The following PNKD variants were observed in gnomAD, a reference collection of about 807,000 sequenced individuals.
PNKD encodes probable thioesterase PNKD.
PNKD carries 36 observed loss-of-function variants against 45.3 expected under a neutral mutation model. The ratio of observed to expected loss-of-function variants is 0.80; its 90% CI spans 0.61 to 1.05. The LOEUF (loss-of-function observed/expected upper bound fraction) is 1.05. PNKD is among the 50% of genes least tolerant of loss of function. PNKD has a pLI of 0.00. For synonymous variants in PNKD, 197 were observed against 210.1 expected (o/e 0.94, Z 0.54); for missense variants, 511 against 506.6 (o/e 1.01, Z -0.08).
Position 218,340,588 on chromosome 2 carries a change from C to G in PNKD, c.466-140C>G. ...TGCTTCACATTCCTGGATCTCTCCC[C>G]TCCAGCTCCATCCCTTTCCTCTGCT... On this transcript the variant is annotated intron_variant, in intron 4 of 9. Coordinates refer to ENST00000273077, the MANE Select transcript of PNKD (RefSeq NM_015488.5). The surrounding 1 kb of genome is among the most constrained non-coding windows in gnomAD (Gnocchi z 4.2). The G allele has an allele frequency of 1.4e-6, 1 of 735,706 alleles. No individual in the cohort carries two copies. Among genetic ancestry groups the G allele is most frequent in the South Asian group, 1.4e-5 (1 of 69,580 alleles). 45.6% of individuals were successfully genotyped at this position (735,706 alleles called of 1,614,324 possible).
chr2:218,308,810 C>T (rs570040778), intron 2 of PNKD, among the ~76,000 whole-genome samples: 6 of 151,814 alleles, frequency 4.0e-5, no homozygotes, highest in Admixed American at 3.3e-4. Context: ...GTCTCAAACT[C>T]CTGACCTGAG....
intron 2 of PNKD, chr2:218,323,445 C>A (rs749445685): frequency 1.0e-5 from 16 of 1,544,234 alleles, no homozygotes; most frequent in Non-Finnish European, 9.5e-6. Context: ...AGTGCCCGGG[C>A]TCCGAAGCGT....
chr2:218,293,779 G>GGTTTGTTT (rs56160301), intron 2 of PNKD, among the ~76,000 whole-genome samples: 2 of 148,856 alleles, frequency 1.3e-5, no homozygotes, highest in Non-Finnish European at 3.0e-5. Flanking sequence ...TGTTTTGTTT[G>GGTTTGTTT]GTTTGTTTGT....
chr2:218,344,558 G>C lies in PNKD; in HGVS notation c.972G>C (p.Glu324Asp). 1 of 1,588,764 alleles carries C rather than the reference G, an allele frequency of 6.3e-7. No homozygotes were observed. The highest frequency in any genetic ancestry group is 2.3e-5 in the East Asian group (1 of 43,534). The part of the protein sequence containing the change: ...KMQWVQRQRL[E>D]RKGTCPSTLG... ...AGTGGGTGCAGCGGCAGCGGCTGGA[G>C]CGCAAGGGCACGGTGAGGGACTCGG... Residue 324 changes from glutamate to aspartate, a missense_variant, in exon 9 of 10, where the codon GAG becomes GAC. By Grantham distance (45) the Glu-to-Asp change is conservative. Coordinates refer to ENST00000273077, the MANE Select transcript of PNKD (RefSeq NM_015488.5).
At chr2:218,291,990 C>T (rs1692959622) in intron 2 of PNKD, among the ~76,000 whole-genome samples, 1 of 151,966 alleles carries the variant, frequency 6.6e-6, no homozygotes, top group African/African-American at 2.4e-5. Flanking sequence ...CGAGACTGGC[C>T]TCAGCGCGTG....
chr2:218,335,219 C>T (rs1017769810), intron 2 of PNKD, among the ~76,000 whole-genome samples: 2 of 152,016 alleles, frequency 1.3e-5, no homozygotes, highest in Non-Finnish European at 2.9e-5. Flanking sequence ...CGGTGGCTCA[C>T]GCCAGTAATC....
chr2:218,304,773 A>C (rs1693364792), intron 2 of PNKD, among the ~76,000 whole-genome samples: 1 of 152,028 alleles, frequency 6.6e-6, no homozygotes, highest in African/African-American at 2.4e-5. Context: ...TCGTTTGTTC[A>C]TCTCTAAAGT....
intron 2 of PNKD, chr2:218,280,294 C>G (rs1182583465): frequency 1.5e-5 from 9 of 586,232 alleles, no homozygotes; most frequent in Non-Finnish European, 2.7e-5. Context: ...CAGAGTGACC[C>G]AGAGCCGGCC....
chr2:218,304,818 T>C (rs1252481572), intron 2 of PNKD, among the ~76,000 whole-genome samples: 1 of 151,870 alleles, frequency 6.6e-6, no homozygotes, highest in Non-Finnish European at 1.5e-5. Flanking sequence ...CTCATGCCTG[T>C]AATCCCAGCA....
intron 2 of PNKD, among the ~76,000 whole-genome samples, chr2:218,290,933 C>T (rs1463994349): frequency 6.6e-6 from 1 of 152,208 alleles, no homozygotes; most frequent in Admixed American, 6.5e-5. Flanking sequence ...ATTGTATGAG[C>T]TTCCACTCTC....
In PNKD at chr2:218,344,905, C is replaced by T; in HGVS notation, c.1082C>T (p.Thr361Ile). 1.2e-6 allele frequency: 2 copies of T among 1,613,948 alleles called. No individual in the cohort carries two copies. Among genetic ancestry groups the T allele is most frequent in the East Asian group, 2.2e-5 (1 of 44,882 alleles). Residue 361 changes from threonine to isoleucine, a missense_variant, in exon 10 of 10, where the codon ACT becomes ATT. Thr to Ile is a moderately conservative substitution (Grantham distance 89). Coordinates refer to ENST00000273077, the MANE Select transcript of PNKD (RefSeq NM_015488.5). ...GCTCTGGGGCCGGGGCCGGGCCCCA[C>T]TGGGGATGATGACTACTCCCGGGCC... ...QEALGPGPGP[T>I]GDDDYSRAQL...
chr2:218,325,199 T>TTA lies in PNKD; in HGVS notation c.237-14583_237-14582insAT, dbSNP rs1694116536. Among the ~76,000 whole-genome samples the TTA allele has an allele frequency of 9.9e-4, 3 of 3,018 alleles. No homozygotes were observed. In the Admixed American group the frequency reaches 0.022, roughly 22 times the overall value. 2.0% of individuals were successfully genotyped at this position (3,018 alleles called of 152,430 possible). ...CAGGCATGAGCCACCGCACCCGGCC[T>TTA]TTTTTTTTTTTTTTTTTTTTTTTGA... On this transcript the variant is annotated intron_variant, in intron 2 of 9. Transcript: ENST00000273077.
intron 2 of PNKD, among the ~76,000 whole-genome samples, chr2:218,304,390 C>T (rs1227877184): frequency 6.6e-6 from 1 of 151,640 alleles, no homozygotes. Flanking sequence ...GTCATCCACC[C>T]GCCTCGGCCT....
intron 5 of PNKD, among the ~76,000 whole-genome samples, chr2:218,341,288 G>T (rs1361956797): frequency 6.6e-6 from 1 of 152,204 alleles, no homozygotes; most frequent in African/African-American, 2.4e-5. Context: ...TCCACTTGGA[G>T]AATTGAAAGA....
At chr2:218,290,586 A>G (rs2106240918) in intron 2 of PNKD, among the ~76,000 whole-genome samples, 1 of 152,316 alleles carries the variant, frequency 6.6e-6, no homozygotes, top group South Asian at 2.1e-4. Context: ...TTTACTGCCA[A>G]GGGCCGGGGG....
At chr2:218,272,957 G>T in intron 2 of PNKD, 1 of 1,441,556 alleles carries the variant, frequency 6.9e-7, no homozygotes. Flanking sequence ...ACCAGGTCTG[G>T]GTTTGTGAGT....
intron 1 of PNKD, 28 bp from the exon 2 acceptor site, chr2:218,271,353 T>G (rs1239405450): frequency 6.2e-7 from 1 of 1,611,206 alleles, no homozygotes; most frequent in East Asian, 2.2e-5. Flanking sequence ...CATCTCTTCT[T>G]ACTGACCTTC....
chr2:218,276,963 A>G (rs1451298802), intron 2 of PNKD: 1 of 1,557,478 alleles, frequency 6.4e-7, no homozygotes, highest in Admixed American at 1.7e-5. Context: ...GTCTGCCCTG[A>G]GCACTGGGTT....
At chr2:218,301,974 T>C (rs1471960857) in intron 2 of PNKD, among the ~76,000 whole-genome samples, 1 of 152,202 alleles carries the variant, frequency 6.6e-6, no homozygotes, top group Non-Finnish European at 1.5e-5. Flanking sequence ...GGACAGATAT[T>C]AGCAACTCAT....
Sources: allele counts gnomAD v4.1 joint callset (sites outside exome capture counted in the v4.1 genomes callset), GRCh38; gene constraint gnomAD v4.1.1; non-coding constraint Gnocchi (gnomAD v3.1); transcripts MANE v1.5; gene names NCBI Gene and HGNC (gene_info 2026-07-23, HGNC 2026-07-21).